LRRN1: variants seen among roughly 807,000 people sequenced by gnomAD.
The protein encoded by LRRN1 is leucine-rich repeat neuronal protein 1.
LRRN1 carries 14 observed loss-of-function variants against 45.8 expected under a neutral mutation model. The ratio of observed to expected loss-of-function variants is 0.31; its 90% confidence interval spans 0.20 to 0.48. The LOEUF (loss-of-function observed/expected upper bound fraction) is 0.48, where lower values mean the gene tolerates loss of function less well. Ranked by LOEUF, LRRN1 falls within the 20% of genes least tolerant of loss-of-function variation. LRRN1 has a pLI of 0.99. For synonymous variants in LRRN1, 359 were observed against 330.1 expected (o/e 1.09, Z -0.95); for missense variants, 789 against 874.2 (o/e 0.90, Z 1.23).
In LRRN1 at chr3:3,846,152, T is replaced by A. The variant is rs911678984; in HGVS notation, c.1511T>A (p.Val504Asp). The A allele has an allele frequency of 1.7e-5, 27 of 1,613,972 alleles. No homozygotes were observed. The highest frequency in any genetic ancestry group is 2.7e-5 in the African/African-American group (2 of 74,892). Reference protein sequence around the residue: ...SGRYTCVAQNVQGADTRVATI... With the variant: ...SGRYTCVAQNDQGADTRVATI... ...AGATACACATGTGTTGCCCAGAATG[T>A]CCAAGGGGCAGACACTCGGGTGGCA... Residue 504 changes from valine to aspartate, a missense_variant, in exon 2 of 2, where the codon GTC becomes GAC. Val to Asp is a radical substitution (Grantham distance 152, BLOSUM62 -3). Transcript: ENST00000319331. This position sits in a 1 kb window ranked among gnomAD's most constrained non-coding sequence, Gnocchi z 5.7.
At position 3,847,044 on chromosome 3, in the gene LRRN1, ATTATT is replaced by A. The variant is rs1001373999; in HGVS notation, c.*261_*265del. On this transcript the variant is annotated 3_prime_UTR_variant, in exon 2 of 2. Coordinates refer to ENST00000319331, the MANE Select transcript of LRRN1 (RefSeq NM_020873.7). ...TCATTATTATGATTGTTATTATATT[ATTATT>A]TTATTTTAGTTGTTGTGCTAAACTC... 1.0e-5 allele frequency: 3 copies of A among 288,942 alleles called. No individual in the cohort carries two copies. The highest frequency in any genetic ancestry group is 1.3e-4 in the East Asian group (2 of 15,190). 17.9% of individuals were successfully genotyped at this position (288,942 alleles called of 1,614,324 possible). A position where few individuals can be genotyped will look rare whatever the true frequency, so the allele number is the denominator to read the frequency against.
chr3:3,824,598 A>G (rs1052502218), intron 1 of LRRN1, among the ~76,000 whole-genome samples: 3 of 152,100 alleles, frequency 2.0e-5, no homozygotes, highest in Non-Finnish European at 4.4e-5. Flanking sequence ...ACAACCCCCA[A>G]CCTACCTAAG....
intron 1 of LRRN1, among the ~76,000 whole-genome samples, chr3:3,817,984 C>T (rs764674062): frequency 1.3e-5 from 2 of 152,196 alleles, no homozygotes; most frequent in African/African-American, 2.4e-5. Flanking sequence ...CAGTATTAGC[C>T]GCCTACATGT....
rs1388049901 is a variant in LRRN1 at position 3,848,822 on chromosome 3, G to T, written c.*2030G>T. ...GCAGCCTGTTAGGTTCCTGTGCAGG[G>T]CCCCTCTTTTGCAGTTCTGAATAAC... On this transcript the variant is annotated 3_prime_UTR_variant, in exon 2 of 2. Transcript: ENST00000319331. Among the ~76,000 whole-genome samples, 4 of 152,108 alleles carry T rather than the reference G, an allele frequency of 2.6e-5. No homozygotes were observed. The highest frequency in any genetic ancestry group is 5.9e-5 in the Non-Finnish European group (4 of 68,028).
intron 1 of LRRN1, among the ~76,000 whole-genome samples, chr3:3,818,135 T>G (rs1693024663): frequency 6.6e-6 from 1 of 152,252 alleles, no homozygotes; most frequent in Non-Finnish European, 1.5e-5. Flanking sequence ...CTGTCCGAAG[T>G]GAGAATACCC....
At chr3:3,832,341 T>A (rs925603103) in intron 1 of LRRN1, among the ~76,000 whole-genome samples, 1 of 152,234 alleles carries the variant, frequency 6.6e-6, no homozygotes. Flanking sequence ...GTGGGGGTTC[T>A]GCCAGCTGCC....
At chr3:3,832,056 C>T (rs1693383745) in intron 1 of LRRN1, among the ~76,000 whole-genome samples, 1 of 152,210 alleles carries the variant, frequency 6.6e-6, no homozygotes, top group African/African-American at 2.4e-5. Context: ...ACATCTGCTG[C>T]AATTGGAGTC....
chr3:3,800,744 C>T (rs1692633013), intron 1 of LRRN1: 1 of 152,252 alleles, frequency 6.6e-6, no homozygotes, highest in Non-Finnish European at 1.5e-5. Flanking sequence ...CAGACCTCAG[C>T]CCGTGAGCCT....
chr3:3,814,635 T>C (rs368435912), intron 1 of LRRN1, among the ~76,000 whole-genome samples: 9 of 152,308 alleles, frequency 5.9e-5, no homozygotes, highest in Admixed American at 1.3e-4. Context: ...TCTGCCCTCA[T>C]GAATGGACTA....
intron 1 of LRRN1, among the ~76,000 whole-genome samples, chr3:3,809,465 T>G (rs1306256310): frequency 1.3e-5 from 2 of 152,238 alleles, no homozygotes; most frequent in Non-Finnish European, 2.9e-5. Flanking sequence ...TGAATGATTT[T>G]TATGAGCTTC....
chr3:3,826,826 T>C (rs1693227038), intron 1 of LRRN1, among the ~76,000 whole-genome samples: 1 of 152,130 alleles, frequency 6.6e-6, no homozygotes, highest in African/African-American at 2.4e-5. Flanking sequence ...AGATTCAGCG[T>C]TCAGATCGTA....
In LRRN1 at chr3:3,843,083, G is replaced by T. The variant is rs146247215; in HGVS notation, c.-278-1281G>T. ...GAATAACAATTATTAACTTTTGTGA[G>T]CATATAATGTGAGTCAGCTACTACA... On this transcript the variant is annotated intron_variant, in intron 1 of 1. Coordinates refer to ENST00000319331, the MANE Select transcript of LRRN1 (RefSeq NM_020873.7). Among the ~76,000 whole-genome samples the T allele has an allele frequency of 3.3e-4, 50 of 152,296 alleles. No homozygotes were observed. The East Asian group carries it at 3.9e-3, about 12-fold the overall frequency.
rs1280214336 is a variant in LRRN1, at chr3:3,849,641, T to C, written c.*2849T>C. 5.9e-5 allele frequency among the ~76,000 whole-genome samples: 9 copies of C among 152,184 alleles called. No homozygotes were observed. On this transcript the variant is annotated 3_prime_UTR_variant, in exon 2 of 2. Transcript: ENST00000319331. ...GGTATATAGTGTATCTCTAACCTGATTTTTCAAGGTTATTTTTGGAGCAGT... is the reference window on the plus strand; with the variant it reads ...GGTATATAGTGTATCTCTAACCTGACTTTTCAAGGTTATTTTTGGAGCAGT...
At chr3:3,813,701 C>T (rs535443757) in intron 1 of LRRN1, among the ~76,000 whole-genome samples, 1 of 152,184 alleles carries the variant, frequency 6.6e-6, no homozygotes, top group East Asian at 1.9e-4. Context: ...CCCTGAAAAT[C>T]CCAACATCAC....
Position 3,846,575 on chromosome 3 carries a change from T to A in LRRN1, c.1934T>A (p.Leu645His). 1 of 1,614,144 alleles carries A rather than the reference T, an allele frequency of 6.2e-7. No individual in the cohort carries two copies. The highest frequency in any genetic ancestry group is 8.5e-7 in the Non-Finnish European group (1 of 1,180,028). ...GGGTCTATGTTTGCCGTCATTAGCC[T>A]TGCGTCCATTGCTGTGTACTTTGCC... ...VMGSMFAVIS[L>H]ASIAVYFAKR... Residue 645 changes from leucine (L) to histidine (H), a missense_variant, in exon 2 of 2, where the codon CTT becomes CAT. Coordinates refer to ENST00000319331, the MANE Select transcript of LRRN1 (RefSeq NM_020873.7). This position sits in a 1 kb window ranked among gnomAD's most constrained non-coding sequence, Gnocchi z 5.7.
chr3:3,832,951 T>G (rs1559301088), intron 1 of LRRN1, among the ~76,000 whole-genome samples: 1 of 152,216 alleles, frequency 6.6e-6, no homozygotes, highest in Non-Finnish European at 1.5e-5. Flanking sequence ...TGCTGTCCAT[T>G]ACAGTAGCTA....
rs911439405 is a variant in LRRN1, at chr3:3,824,499, T to TA, written c.-278-19855dup. ...CATTACAATCAATTTACTGCCATGT[T>TA]AAAAAAAAAATCAGTGAACATTGTT... is the stretch of plus-strand genomic sequence containing the variant. On this transcript the variant is annotated intron_variant, in intron 1 of 1. Coordinates refer to ENST00000319331, the MANE Select transcript of LRRN1 (RefSeq NM_020873.7). Among the ~76,000 whole-genome samples the TA allele has an allele frequency of 2.5e-3, 376 of 149,426 alleles. 2 individuals are homozygous for TA. The highest frequency in any genetic ancestry group is 7.9e-3 in the African/African-American group (325 of 41,052).
chr3:3,828,697 T>C (rs976654137), intron 1 of LRRN1, among the ~76,000 whole-genome samples: 1 of 152,158 alleles, frequency 6.6e-6, no homozygotes, highest in African/African-American at 2.4e-5. Context: ...CCAACCCAAA[T>C]ACTGTTACAT....
chr3:3,843,415 G>T (rs1419426724), intron 1 of LRRN1, among the ~76,000 whole-genome samples: 1 of 152,090 alleles, frequency 6.6e-6, no homozygotes, highest in Non-Finnish European at 1.5e-5. Context: ...AGGCAAAACT[G>T]ATGTTTTCCT....
Sources: gnomAD v4.1 joint callset for allele counts (sites outside exome capture counted in the v4.1 genomes callset) on GRCh38, gnomAD v4.1.1 for gene constraint, Gnocchi (gnomAD v3.1) non-coding constraint, MANE v1.5 for transcripts, NCBI Gene and HGNC (gene_info 2026-07-23, HGNC 2026-07-21) for gene names.